The following ASCL5 variants were observed in gnomAD, a reference collection of about 807,000 sequenced individuals.
The protein encoded by ASCL5 is achaete-scute homolog 5.
For synonymous variants in ASCL5, 124 were observed against 131.5 expected (o/e 0.94, Z 0.39); for missense variants, 262 against 268.9 (o/e 0.97, Z 0.18).
At chr1:201,116,163 C>A (rs562671292) in intron 1 of ASCL5, among the ~76,000 whole-genome samples, 1 of 152,304 alleles carries the variant, frequency 6.6e-6, no homozygotes, top group African/African-American at 2.4e-5. Context: ...AAAAACACCT[C>A]CTAAAGGTCA....
At chr1:201,121,463 T>C (rs992377351) in intron 1 of ASCL5, among the ~76,000 whole-genome samples, 2 of 152,186 alleles carry the variant, frequency 1.3e-5, no homozygotes, top group Non-Finnish European at 2.9e-5. Context: ...CACCGCTACA[T>C]TTTCCTTTAG....
At chr1:201,118,779 T>C (rs186099973) in intron 1 of ASCL5, among the ~76,000 whole-genome samples, 6,635 of 152,266 alleles carry the variant, frequency 0.044, 490 homozygotes, top group African/African-American at 0.15. Context: ...GTGCAAGACC[T>C]CATGCTAAGA....
Position 201,116,738 on chromosome 1 carries a change from T to G in ASCL5, c.-505-861A>C, listed in dbSNP as rs1663355623. 2.6e-5 allele frequency among the ~76,000 whole-genome samples: 4 copies of G among 152,180 alleles called. No homozygotes were observed. In the South Asian group the frequency reaches 6.2e-4, roughly 24 times the overall value. ...ATGTGGTTATCAGATCCAAGTTAGG[T>G]GCCATTTTGTCTAGGAAGCCTCTCT... On this transcript the variant is annotated intron_variant, in intron 1 of 1. Transcript: ENST00000449188.
chr1:201,122,984 G>T (rs1162414174), intron 1 of ASCL5, among the ~76,000 whole-genome samples: 1 of 152,124 alleles, frequency 6.6e-6, no homozygotes, highest in East Asian at 1.9e-4. Context: ...AAAAGCAATT[G>T]AATTAATGGT....
At chr1:201,125,775 G>A (rs918737012) in intron 1 of ASCL5, among the ~76,000 whole-genome samples, 3 of 152,186 alleles carry the variant, frequency 2.0e-5, no homozygotes, top group Admixed American at 2.0e-4. Context: ...TGATGTGGAG[G>A]GGTAATTGAA....
chr1:201,116,116 A>G (rs925145512), intron 1 of ASCL5, among the ~76,000 whole-genome samples: 2 of 152,230 alleles, frequency 1.3e-5, no homozygotes, highest in Non-Finnish European at 2.9e-5. Context: ...CAGGAAATTA[A>G]TAAGATATGA....
At chr1:201,126,626 G>C (rs964865756) in intron 1 of ASCL5, among the ~76,000 whole-genome samples, 1 of 152,200 alleles carries the variant, frequency 6.6e-6, no homozygotes, top group African/African-American at 2.4e-5. Context: ...CCACTTAACA[G>C]GTGAAGGGAC....
At chr1:201,121,086 C>T (rs1663445331) in intron 1 of ASCL5, among the ~76,000 whole-genome samples, 3 of 152,220 alleles carry the variant, frequency 2.0e-5, no homozygotes. Flanking sequence ...ATGCAGCTCC[C>T]CGCATTTCCC....
At chr1:201,123,879 A>G (rs1663530257) in intron 1 of ASCL5, among the ~76,000 whole-genome samples, 1 of 152,180 alleles carries the variant, frequency 6.6e-6, no homozygotes, top group South Asian at 2.1e-4. Flanking sequence ...GAGTAGAAAT[A>G]CCTTCTGAGG....
rs1663291336 is a variant in ASCL5 at position 201,114,623 on chromosome 1, A to G, written c.*129T>C. 3 of 819,036 alleles carry G rather than the reference A, an allele frequency of 3.7e-6. No homozygotes were observed. Among genetic ancestry groups the G allele is most frequent in the Admixed American group, 4.4e-5 (1 of 22,798 alleles). 50.7% of individuals were successfully genotyped at this position (819,036 alleles called of 1,614,324 possible). A position where few individuals can be genotyped will look rare whatever the true frequency, so the allele number is the denominator to read the frequency against. On this transcript the variant is annotated 3_prime_UTR_variant, in exon 2 of 2. Transcript: ENST00000449188. ...GGAGGGAGGGTGTCGCAGACACGGGAGCGCCGCGGACCTCCTACAGTCACC... is the reference window on the plus strand; with the variant it reads ...GGAGGGAGGGTGTCGCAGACACGGGGGCGCCGCGGACCTCCTACAGTCACC...
At chr1:201,126,349 G>C (rs561795795) in intron 1 of ASCL5, among the ~76,000 whole-genome samples, 1 of 151,978 alleles carries the variant, frequency 6.6e-6, no homozygotes, top group East Asian at 1.9e-4. Context: ...TGATCCTCCC[G>C]CCTCAGCCTG....
chr1:201,118,215 C>T (rs571640497), intron 1 of ASCL5, among the ~76,000 whole-genome samples: 1 of 152,326 alleles, frequency 6.6e-6, no homozygotes, highest in Admixed American at 6.5e-5. Context: ...CGAGGTGGCT[C>T]ATGCCTGTAA....
Position 201,115,614 on chromosome 1 carries a change from A to G in ASCL5, c.-242T>C, listed in dbSNP as rs796942204. The G allele has an allele frequency of 4.4e-5, 15 of 338,084 alleles. No individual in the cohort carries two copies. Among genetic ancestry groups the G allele is most frequent in the African/African-American group, 2.7e-4 (13 of 47,504 alleles). The allele number at this position is 338,084 out of a possible 1,614,324, so 20.9% of individuals were successfully genotyped here. A position where few individuals can be genotyped will look rare whatever the true frequency, so the allele number is the denominator to read the frequency against. On this transcript the variant is annotated 5_prime_UTR_variant, in exon 2 of 2. It removes an upstream start codon present in the reference 5' UTR. Coordinates refer to ENST00000449188, the MANE Select transcript of ASCL5 (RefSeq NM_001270601.2). ...GTGCACGCCTTCTCAGAGCCAGCCC[A>G]TGGCGCCGCGGAACTCTGAGGGCCC...
At chr1:201,124,403 G>T (rs1663540449) in intron 1 of ASCL5, among the ~76,000 whole-genome samples, 1 of 152,168 alleles carries the variant, frequency 6.6e-6, no homozygotes, top group Admixed American at 6.5e-5. Context: ...CTCCTCCCTG[G>T]CCCTACTGCC....
intron 1 of ASCL5, among the ~76,000 whole-genome samples, chr1:201,126,255 C>T (rs765002651): frequency 9.9e-5 from 15 of 152,088 alleles, no homozygotes; most frequent in Admixed American, 5.2e-4. Flanking sequence ...CCTGCCTCAG[C>T]CTCCTGATTA....
chr1:201,122,069 C>T (rs1431938184), intron 1 of ASCL5, among the ~76,000 whole-genome samples: 1 of 152,196 alleles, frequency 6.6e-6, no homozygotes, highest in Non-Finnish European at 1.5e-5. Context: ...CATGAGCCCA[C>T]ATGGCACCTT....
At chr1:201,120,931 G>A (rs765353671) in intron 1 of ASCL5, among the ~76,000 whole-genome samples, 5 of 152,138 alleles carry the variant, frequency 3.3e-5, no homozygotes, top group Admixed American at 6.5e-5. Flanking sequence ...ACCCACTGCC[G>A]CCAAAAACTG....
intron 1 of ASCL5, among the ~76,000 whole-genome samples, chr1:201,118,833 G>A (rs1330686883): frequency 1.3e-5 from 2 of 152,184 alleles, no homozygotes; most frequent in Non-Finnish European, 2.9e-5. Context: ...CCATCCTTGA[G>A]AGGTAGGTGC....
In ASCL5 at chr1:201,115,461, A is replaced by C. The variant is rs80231714; in HGVS notation, c.-89T>G. 9.0e-7 allele frequency: 1 copy of C among 1,111,116 alleles called. No individual in the cohort carries two copies. The highest frequency in any genetic ancestry group is 1.1e-6 in the Non-Finnish European group (1 of 878,524). The allele number at this position is 1,111,116 out of a possible 1,614,324, so 68.8% of individuals were successfully genotyped here. On this transcript the variant is annotated 5_prime_UTR_variant, in exon 2 of 2. It removes the in-frame stop codon of an upstream open reading frame in the 5' UTR. Transcript: ENST00000449188. Reference sequence around the variant, plus strand: ...ACCGTCTCCACCAGTGGGGCAAGTCACATCGCTAGCAGCAGCTCTTGGGTA... The same window carrying C: ...ACCGTCTCCACCAGTGGGGCAAGTCCCATCGCTAGCAGCAGCTCTTGGGTA...
Sources: allele counts gnomAD v4.1 joint callset (sites outside exome capture counted in the v4.1 genomes callset), GRCh38; gene constraint gnomAD v4.1.1; transcripts MANE v1.5; gene names NCBI Gene and HGNC (gene_info 2026-07-23, HGNC 2026-07-21).